IL23R: variants seen among roughly 807,000 people sequenced by gnomAD.
The protein encoded by IL23R is interleukin 23 receptor.
A neutral mutation model predicts 56.9 loss-of-function variants in IL23R; 34 were observed. The observed-to-expected ratio is 0.60, with a 90% CI of 0.45 to 0.80. IL23R has a LOEUF of 0.80. Ranked by LOEUF, IL23R falls within the 30% of genes least tolerant of loss-of-function variation. The pLI, the probability that IL23R is intolerant of heterozygous loss-of-function variation, is 0.00. For missense variants in IL23R, 635 were observed against 730.0 expected (o/e 0.87, Z 1.50); for synonymous variants, 230 against 249.2 (o/e 0.92, Z 0.73).
intron 7 of IL23R, among the ~76,000 whole-genome samples, chr1:67,228,153 T>TCCTTCCTTCCTTCCTG (rs1178182631): frequency 1.9e-4 from 14 of 71,852 alleles, no homozygotes; most frequent in Non-Finnish European, 3.8e-4. Flanking sequence ...TCTTTCTTTT[T>TCCTTCCTTCCTTCCTG]CCTTCCTTCC....
chr1:67,190,445 C>CCA (rs371002736), intron 4 of IL23R, among the ~76,000 whole-genome samples: 1 of 145,410 alleles, frequency 6.9e-6, no homozygotes, highest in African/African-American at 2.5e-5. Context: ...AAAAAAAAAC[C>CCA]AAAAAAAAAA....
intron 4 of IL23R, among the ~76,000 whole-genome samples, chr1:67,183,693 G>A (rs1050484067): frequency 6.6e-6 from 1 of 151,958 alleles, no homozygotes; most frequent in Non-Finnish European, 1.5e-5. Context: ...TTAATTATGT[G>A]GAATTTGGCT....
intron 1 of IL23R, among the ~76,000 whole-genome samples, chr1:67,155,181 CTTTG>C (rs1646761013): frequency 6.6e-6 from 1 of 152,164 alleles, no homozygotes; most frequent in Non-Finnish European, 1.5e-5. Flanking sequence ...ATGGGCTTCC[CTTTG>C]TAGGTGACCT....
upstream of IL23R, chr1:67,166,368 C>T (rs1023214565): frequency 3.9e-5 from 6 of 152,368 alleles, no homozygotes; most frequent in Non-Finnish European, 7.3e-5. Flanking sequence ...TTGAGTTCCT[C>T]TTCAAGAGTC....
intron 4 of IL23R, among the ~76,000 whole-genome samples, chr1:67,200,244 A>G (rs1021336019): frequency 3.3e-5 from 5 of 151,916 alleles, no homozygotes; most frequent in Non-Finnish European, 4.4e-5. Context: ...GGGTTTCACC[A>G]TGTTAGCCAG....
In IL23R at chr1:67,202,574, C is replaced by T. The variant is rs139873817; in HGVS notation, c.652+1677C>T. On this transcript the variant is annotated intron_variant, in intron 5 of 10. Coordinates refer to ENST00000347310, the MANE Select transcript of IL23R (RefSeq NM_144701.3). ...TACGTTATTTAACCCTCATATCAAC[C>T]CTATTTTGTAGATGAGATTATAATT... Among the ~76,000 whole-genome samples the T allele has an allele frequency of 1.6e-3, 238 of 152,184 alleles. 1 individual carries two copies. Among genetic ancestry groups the T allele is most frequent in the African/African-American group, 5.3e-3 (222 of 41,506 alleles).
chr1:67,178,170 T>C (rs188312796), intron 3 of IL23R, among the ~76,000 whole-genome samples: 2 of 152,312 alleles, frequency 1.3e-5, no homozygotes, highest in African/African-American at 4.8e-5. Flanking sequence ...CATTGGTAGC[T>C]TGATGGGGAT....
chr1:67,153,641 A>G (rs1646746769), intron 1 of IL23R, among the ~76,000 whole-genome samples: 1 of 152,128 alleles, frequency 6.6e-6, no homozygotes, highest in Non-Finnish European at 1.5e-5. Context: ...ATTCTGGTAC[A>G]TTGTCTCTCT....
At chr1:67,171,463 A>G (rs74769148) in intron 3 of IL23R, among the ~76,000 whole-genome samples, 1,547 of 152,272 alleles carry the variant, frequency 0.01, 37 homozygotes, top group African/African-American at 0.036. Flanking sequence ...TGGCTCTACT[A>G]TTCTAACAGA....
At chr1:67,154,594 A>T (rs1646755734) in intron 1 of IL23R, among the ~76,000 whole-genome samples, 1 of 151,384 alleles carries the variant, frequency 6.6e-6, no homozygotes, top group Admixed American at 6.6e-5. Context: ...TGTCTTTTTA[A>T]ATTTTATTTT....
At chr1:67,261,457 A>T (rs565951124), downstream of IL23R, among the ~76,000 whole-genome samples, 796 of 152,034 alleles carry the variant, frequency 5.2e-3, 3 homozygotes, top group Non-Finnish European at 9.5e-3. Context: ...GTAAAAAAAA[A>T]AAAAAGTTAT....
chr1:67,234,548 T>C (rs959151830), intron 7 of IL23R, among the ~76,000 whole-genome samples: 2 of 152,282 alleles, frequency 1.3e-5, no homozygotes, highest in African/African-American at 4.8e-5. Context: ...TACATTAACC[T>C]GTATTAAAAG....
chr1:67,168,098 A>T lies in IL23R; in HGVS notation c.-23A>T, dbSNP rs1423045035. 1 of 1,543,738 alleles carries T rather than the reference A, an allele frequency of 6.5e-7. No individual in the cohort carries two copies. The highest frequency in any genetic ancestry group is 9.0e-7 in the Non-Finnish European group (1 of 1,116,582). ...TTTCATATTTTTTTTCCAGAGGGAA[A>T]CAGTCTTTTCCTGCTTCCAGACATG... On this transcript the variant is annotated 5_prime_UTR_variant, in exon 2 of 11. Transcript: ENST00000347310.
chr1:67,210,143 A>T (rs114957120), intron 6 of IL23R, among the ~76,000 whole-genome samples: 8 of 152,180 alleles, frequency 5.3e-5, no homozygotes, highest in African/African-American at 1.7e-4. Flanking sequence ...CCGAGTAAAA[A>T]TGAGTTTAAA....
chr1:67,256,186 G>A (rs1652938850), intron 10 of IL23R, among the ~76,000 whole-genome samples: 1 of 152,192 alleles, frequency 6.6e-6, no homozygotes, highest in Non-Finnish European at 1.5e-5. Flanking sequence ...GGAAGATTGT[G>A]GGCCTTGTGC....
upstream of IL23R, among the ~76,000 whole-genome samples, chr1:67,163,468 C>CAAAAAAAAAAAAAAA (rs57495148): frequency 8.1e-5 from 4 of 49,588 alleles, no homozygotes; most frequent in Non-Finnish European, 9.7e-5. Context: ...GACCCTGTCT[C>CAAAAAAAAAAAAAAA]AAAAAAAAAA....
chr1:67,175,176 C>A (rs1405567384), intron 3 of IL23R, among the ~76,000 whole-genome samples: 3 of 151,846 alleles, frequency 2.0e-5, no homozygotes, highest in African/African-American at 7.3e-5. Context: ...GAGGGAAAGA[C>A]GCTAGCCAAT....
intron 5 of IL23R, among the ~76,000 whole-genome samples, chr1:67,203,362 A>T (rs1648768750): frequency 6.6e-6 from 1 of 152,100 alleles, no homozygotes; most frequent in Non-Finnish European, 1.5e-5. Context: ...GTTTACCACC[A>T]TCCCACCTCC....
chr1:67,208,825 C>T (rs987964286), intron 6 of IL23R, among the ~76,000 whole-genome samples: 1 of 152,166 alleles, frequency 6.6e-6, no homozygotes, highest in African/African-American at 2.4e-5. Context: ...CCACCATCCT[C>T]CAGATTCCAG....
Sources: gnomAD v4.1 joint callset for allele counts (sites outside exome capture counted in the v4.1 genomes callset) on GRCh38, gnomAD v4.1.1 for gene constraint, MANE v1.5 for transcripts, NCBI Gene and HGNC (gene_info 2026-07-23, HGNC 2026-07-21) for gene names.